The following ACSBG1 variants were observed in gnomAD, a reference collection of about 807,000 sequenced individuals.
ACSBG1 encodes long-chain-fatty-acid--CoA ligase ACSBG1.
A neutral mutation model predicts 80.2 loss-of-function variants in ACSBG1; 39 were observed. The observed-to-expected ratio is 0.49, with a 90% CI of 0.38 to 0.64. The LOEUF (loss-of-function observed/expected upper bound fraction) is 0.64. Ranked by LOEUF, ACSBG1 falls within the 30% of genes least tolerant of loss-of-function variation. The pLI is 0.00. For missense variants in ACSBG1, 828 were observed against 966.4 expected (o/e 0.86, Z 1.90); for synonymous variants, 392 against 379.5 (o/e 1.03, Z -0.38).
intron 2 of ACSBG1, among the ~76,000 whole-genome samples, chr15:78,198,456 C>T (rs1174520496): frequency 6.6e-6 from 1 of 152,030 alleles, no homozygotes; most frequent in Non-Finnish European, 1.5e-5. Flanking sequence ...AAGTGATTCT[C>T]CTGCCTCAGC....
chr15:78,200,865 G>C (rs773929790), intron 2 of ACSBG1, among the ~76,000 whole-genome samples: 2 of 152,156 alleles, frequency 1.3e-5, no homozygotes, highest in Non-Finnish European at 1.5e-5. Context: ...TGACCACAGG[G>C]AGACGTCTAT....
At position 78,173,781 on chromosome 15, in the gene ACSBG1, T is replaced by C. The variant is rs1248293136; in HGVS notation, c.1901A>G (p.Glu634Gly). 1.2e-6 allele frequency: 2 copies of C among 1,614,056 alleles called. No individual in the cohort carries two copies. Among genetic ancestry groups the C allele is most frequent in the Non-Finnish European group, 1.7e-6 (2 of 1,180,042 alleles). The change falls in exon 13 of 14, where the codon GAG (glutamate) becomes GGG (glycine). Residue 634 changes from glutamate (E) to glycine (G), a missense_variant. Coordinates refer to ENST00000258873, the MANE Select transcript of ACSBG1 (RefSeq NM_015162.5). ...QTDNLTEQAM[E>G]FCQRVGSRAT... ...TCTGCTGCCCACCCTCTGGCAGAAC[T>C]CCATAGCTTGTTCAGTCAGATTATC...
At chr15:78,185,398 T>C (rs75492393) in intron 5 of ACSBG1, among the ~76,000 whole-genome samples, 2 of 152,146 alleles carry the variant, frequency 1.3e-5, no homozygotes, top group African/African-American at 4.8e-5. Context: ...AGAAGGGTCA[T>C]GTCTTAGTGA....
At chr15:78,189,145 G>A (rs2075034238) in intron 5 of ACSBG1, among the ~76,000 whole-genome samples, 1 of 151,668 alleles carries the variant, frequency 6.6e-6, no homozygotes, top group Non-Finnish European at 1.5e-5. Flanking sequence ...CAGTTAGAAT[G>A]GCAATCATTA....
chr15:78,178,120 A>C lies in ACSBG1; in HGVS notation c.1702+494T>G, dbSNP rs1393395369. Among the ~76,000 whole-genome samples the C allele has an allele frequency of 6.6e-6, 1 of 152,070 alleles. No individual in the cohort carries two copies. The highest frequency in any genetic ancestry group is 1.5e-5 in the Non-Finnish European group (1 of 68,006). ...AACCTCTCTGGATGTCCTCATTAGC[A>C]AGTTAAGGTTAATAAGTACCTGCCC... On this transcript the variant is annotated intron_variant, in intron 11 of 13. Coordinates refer to ENST00000258873, the MANE Select transcript of ACSBG1 (RefSeq NM_015162.5). This position sits in a 1 kb window ranked among gnomAD's most constrained non-coding sequence, Gnocchi z 4.3.
At chr15:78,194,333 AGC>A (rs2075090544) in intron 3 of ACSBG1, among the ~76,000 whole-genome samples, 171 bp downstream of exon 3, 3 of 152,244 alleles carry the variant, frequency 2.0e-5, no homozygotes, top group Admixed American at 1.3e-4. Flanking sequence ...AGCAAATAAA[AGC>A]TCAGTACGGG....
At position 78,173,621 on chromosome 15, in the gene ACSBG1, T is replaced by G. The variant is rs749391106; in HGVS notation, c.2061A>C (p.Arg687Ser). ...ACTCTCCACCCGAAATGGAGAAGTC[T>G]CTCTCGAGAATGGCCCACTTCTGGA... The part of the protein sequence containing the change: ...YHIQKWAILE[R>S]DFSISGGELG... Residue 687 changes from arginine to serine, a missense_variant, in exon 13 of 14, where the codon AGA becomes AGC. Arg to Ser is a moderately radical substitution (Grantham distance 110). Transcript: ENST00000258873. 1 of 1,614,132 alleles carries G rather than the reference T, an allele frequency of 6.2e-7. No homozygotes were observed. The highest frequency in any genetic ancestry group is 8.5e-7 in the Non-Finnish European group (1 of 1,180,024).
chr15:78,201,908 A>G (rs6495281), intron 2 of ACSBG1, among the ~76,000 whole-genome samples: 131,383 of 152,238 alleles, frequency 0.86, 56,734 homozygotes, highest in African/African-American at 0.9. Flanking sequence ...AGGCTCATGA[A>G]GTTGCTGTGC....
chr15:78,197,719 TAAA>T (rs746712543), intron 2 of ACSBG1, among the ~76,000 whole-genome samples: 21 of 103,332 alleles, frequency 2.0e-4, no homozygotes, highest in Admixed American at 3.4e-4. Flanking sequence ...ACTCTGTCTT[TAAA>T]AAAAAAAAAA....
At chr15:78,214,784 A>T in intron 1 of ACSBG1, among the ~76,000 whole-genome samples, 1 of 152,114 alleles carries the variant, frequency 6.6e-6, no homozygotes, top group East Asian at 1.9e-4. Flanking sequence ...CAGAGGCAGC[A>T]ATTGGGACAG....
intron 6 of ACSBG1, 42 bp from the exon 7 acceptor site, chr15:78,182,657 G>C: frequency 6.2e-7 from 1 of 1,613,800 alleles, no homozygotes; most frequent in South Asian, 1.1e-5. Context: ...GGTCAGCTGG[G>C]TGGGCCCAAT....
Position 78,170,742 on chromosome 15 carries a change from AT to A in ACSBG1, c.*701del, listed in dbSNP as rs1403911795. On this transcript the variant is annotated 3_prime_UTR_variant, in exon 14 of 14. Coordinates refer to ENST00000258873, the MANE Select transcript of ACSBG1 (RefSeq NM_015162.5). ...CACCTTTGTTTATTCCAGGGCACTA[AT>A]GGTCACTCGCATGCCCGCTGTGCAC... The A allele has an allele frequency of 1.3e-5, 2 of 152,514 alleles. No individual in the cohort carries two copies. Among genetic ancestry groups the A allele is most frequent in the Non-Finnish European group, 2.9e-5 (2 of 68,048 alleles). The allele number at this position is 152,514 out of a possible 1,614,324, so 9.4% of individuals were successfully genotyped here.
At chr15:78,193,843 G>A in intron 4 of ACSBG1, 89 bp downstream of exon 4, 1 of 1,502,616 alleles carries the variant, frequency 6.7e-7, no homozygotes, top group Non-Finnish European at 9.1e-7. Context: ...GGGAGTGGGT[G>A]GGGGCTGCTA....
At chr15:78,204,818 C>G (rs568163727) in intron 2 of ACSBG1, among the ~76,000 whole-genome samples, 6 of 152,326 alleles carry the variant, frequency 3.9e-5, no homozygotes, top group African/African-American at 1.4e-4. Flanking sequence ...CTTTCTGGCT[C>G]CCTAGCGCAT....
At chr15:78,207,924 CACCACCCA>C in intron 2 of ACSBG1, 70 bp downstream of exon 2, 1 of 728,276 alleles carries the variant, frequency 1.4e-6, no homozygotes, top group Non-Finnish European at 2.4e-6. Context: ...TGGTCCCCCA[CACCACCCA>C]CCCCTCCAGC....
chr15:78,207,917 T>TCCCCCCCCCCACCCCCCCCA, intron 2 of ACSBG1, 85 bp downstream of exon 2: 1 of 876,066 alleles, frequency 1.1e-6, no homozygotes, highest in Non-Finnish European at 1.8e-6. Context: ...TGTGTGGTGG[T>TCCCCCCCCCCACCCCCCCCA]CCCCCACACC....
intron 2 of ACSBG1, among the ~76,000 whole-genome samples, chr15:78,200,213 G>C (rs1439145418): frequency 6.6e-6 from 1 of 152,156 alleles, no homozygotes; most frequent in African/African-American, 2.4e-5. Context: ...AATGAGGCAT[G>C]GGAAGGGAAG....
intron 1 of ACSBG1, among the ~76,000 whole-genome samples, chr15:78,223,451 A>T (rs983528296): frequency 1.1e-4 from 16 of 152,130 alleles, no homozygotes; most frequent in South Asian, 4.1e-4. Context: ...AAAATAAATT[A>T]AAAAAATAGA....
In ACSBG1 at chr15:78,234,522, A is replaced by T; in HGVS notation, c.-21T>A. ...GGCATCTGCCTCGGGCTTCCACTGA[A>T]GACAGCTCAGTCACCCACTGAGAGA... On this transcript the variant is annotated 5_prime_UTR_variant, in exon 1 of 14. Coordinates refer to ENST00000258873, the MANE Select transcript of ACSBG1 (RefSeq NM_015162.5). 1 of 1,598,740 alleles carries T rather than the reference A, an allele frequency of 6.3e-7. No homozygotes were observed. The highest frequency in any genetic ancestry group is 1.1e-5 in the South Asian group (1 of 90,888).
Sources: allele counts gnomAD v4.1 joint callset (sites outside exome capture counted in the v4.1 genomes callset), GRCh38; gene constraint gnomAD v4.1.1; non-coding constraint Gnocchi (gnomAD v3.1); transcripts MANE v1.5; gene names NCBI Gene and HGNC (gene_info 2026-07-23, HGNC 2026-07-21).